The following CAV1 variants were observed in gnomAD, a reference collection of about 807,000 sequenced individuals.
CAV1 encodes caveolin-1.
CAV1 carries 10 observed loss-of-function variants against 16.5 expected under a neutral mutation model. The ratio of observed to expected loss-of-function variants is 0.61; its 90% confidence interval spans 0.37 to 1.03. CAV1 has a LOEUF of 1.03. Ranked by LOEUF, CAV1 falls within the 50% of genes least tolerant of loss-of-function variation. The pLI, the probability that CAV1 is intolerant of heterozygous loss-of-function variation, is 0.01. For missense variants in CAV1, 212 were observed against 232.8 expected, an observed-to-expected ratio of 0.91 and a Z score of 0.58; for synonymous variants, 76 against 85.1, an observed-to-expected ratio of 0.89 and a Z score of 0.59.
At chr7:116,531,260 G>A (rs1387472404) in intron 2 of CAV1, among the ~76,000 whole-genome samples, 1 of 152,238 alleles carries the variant, frequency 6.6e-6, no homozygotes. Context: ...AATGTGTTTA[G>A]ATGATTCTGT....
chr7:116,557,426 G>C (rs1794312947), intron 2 of CAV1, among the ~76,000 whole-genome samples: 1 of 152,130 alleles, frequency 6.6e-6, no homozygotes, highest in Admixed American at 6.5e-5. Flanking sequence ...CACTTGTTGG[G>C]ATTTCAAACT....
chr7:116,543,964 T>G (rs1009165583), intron 2 of CAV1, among the ~76,000 whole-genome samples: 1 of 152,210 alleles, frequency 6.6e-6, no homozygotes, highest in Non-Finnish European at 1.5e-5. Context: ...CTGACTCATA[T>G]AAAGTTTACC....
intron 2 of CAV1, among the ~76,000 whole-genome samples, chr7:116,543,150 T>TA (rs1009762493): frequency 6.6e-4 from 100 of 152,176 alleles, no homozygotes; most frequent in African/African-American, 2.1e-3. Flanking sequence ...TCTTCATCTA[T>TA]AAAATCAAGA....
chr7:116,534,395 A>ATATATATTTTTTTTT (rs1442237865), intron 2 of CAV1, among the ~76,000 whole-genome samples: 1 of 7,842 alleles, frequency 1.3e-4, no homozygotes, highest in African/African-American at 3.3e-4. Flanking sequence ...ATATATATAT[A>ATATATATTTTTTTTT]TTTTTTTTTT....
In CAV1 at chr7:116,526,286, G is replaced by T. The variant is rs1339154655; in HGVS notation, c.31-239G>T. The T allele has an allele frequency of 3.1e-6, 4 of 1,305,312 alleles. No homozygotes were observed. The African/African-American group carries it at 4.5e-5, about 15-fold the overall frequency. 80.9% of individuals were successfully genotyped at this position (1,305,312 alleles called of 1,614,324 possible). On this transcript the variant is annotated intron_variant, in intron 1 of 2. Coordinates refer to ENST00000341049, the MANE Select transcript of CAV1 (RefSeq NM_001753.5). ...GGCGGCGGGCGGGGGAGGCAGGCGC[G>T]CCCTGCAGAGTACAGAGGGGTGTGG...
At chr7:116,535,151 G>GAAGT (rs1320726446) in intron 2 of CAV1, among the ~76,000 whole-genome samples, 1 of 152,184 alleles carries the variant, frequency 6.6e-6, no homozygotes. Flanking sequence ...GGCATGCTCA[G>GAAGT]AAGTGTCCCA....
chr7:116,540,388 GTAA>G (rs1793911217), intron 2 of CAV1, among the ~76,000 whole-genome samples: 1 of 152,228 alleles, frequency 6.6e-6, no homozygotes, highest in African/African-American at 2.4e-5. Context: ...TGATTTTACT[GTAA>G]TAATATAAGA....
chr7:116,526,842 T>A (rs1793574999), intron 2 of CAV1, 153 bp downstream of exon 2: 2 of 843,722 alleles, frequency 2.4e-6, no homozygotes, highest in South Asian at 1.6e-5. Context: ...GGGTTTGATG[T>A]GTGGGAGCTC....
At position 116,526,513 on chromosome 7, in the gene CAV1, C is replaced by T; in HGVS notation, c.31-12C>T. On this transcript the variant is annotated splice_polypyrimidine_tract_variant and intron_variant, in intron 1 of 2. Transcript: ENST00000341049. ...CTCCCCGTCCTGGCCGTCCGCCCTC[C>T]GCCCTCTGCAGGGACATCTCTACAC... 5 of 1,613,828 alleles carry T rather than the reference C, an allele frequency of 3.1e-6. No individual in the cohort carries two copies. Among genetic ancestry groups the T allele is most frequent in the Non-Finnish European group, 4.2e-6 (5 of 1,180,008 alleles).
chr7:116,534,895 A>T (rs1793775928), intron 2 of CAV1, among the ~76,000 whole-genome samples: 1 of 152,146 alleles, frequency 6.6e-6, no homozygotes, highest in African/African-American at 2.4e-5. Context: ...AAAGTTGTAG[A>T]TGTTTTCCCT....
chr7:116,555,685 A>C (rs1164909510), intron 2 of CAV1, among the ~76,000 whole-genome samples: 1 of 149,840 alleles, frequency 6.7e-6, no homozygotes, highest in African/African-American at 2.5e-5. Context: ...AGAGAGAGAG[A>C]GAAAGACCTA....
At chr7:116,554,787 G>T (rs919313446) in intron 2 of CAV1, among the ~76,000 whole-genome samples, 2 of 152,110 alleles carry the variant, frequency 1.3e-5, no homozygotes, top group Admixed American at 1.3e-4. Context: ...ATTAACAAGA[G>T]TAATTCTTTG....
chr7:116,546,709 A>AAAAAAAAATAAAAAAT (rs1794058750), intron 2 of CAV1, among the ~76,000 whole-genome samples: 2 of 150,582 alleles, frequency 1.3e-5, no homozygotes, highest in Admixed American at 6.6e-5. Flanking sequence ...AAAAAAAAAA[A>AAAAAAAAATAAAAAAT]AAAAAGTCTG....
At chr7:116,525,768 T>C (rs1024682893) in intron 1 of CAV1, 2 of 1,056,542 alleles carry the variant, frequency 1.9e-6, no homozygotes, top group Admixed American at 5.0e-5. Flanking sequence ...GCCCGCAGCC[T>C]GGGAGTGCCC....
Position 116,558,774 on chromosome 7 carries a change from A to G in CAV1, c.196-172A>G, listed in dbSNP as rs1997572. Among the ~76,000 whole-genome samples, 81,899 of 151,882 alleles carry G rather than the reference A, an allele frequency of 0.54. 23,045 individuals carry two copies. Among genetic ancestry groups the G allele is most frequent in the East Asian group, 0.73 (3,753 of 5,158 alleles). On this transcript the variant is annotated intron_variant, in intron 2 of 2. Transcript: ENST00000341049. ...TCTCAAAAAAATAAAAATGAAAAAA[A>G]TCTGTGTTCCCAAGTTCCAAGTGAT...
At chr7:116,538,973 C>A (rs1391853560) in intron 2 of CAV1, among the ~76,000 whole-genome samples, 1 of 152,120 alleles carries the variant, frequency 6.6e-6, no homozygotes, top group African/African-American at 2.4e-5. Flanking sequence ...TTATCTCCCA[C>A]AAAATGGGAA....
chr7:116,543,187 C>T (rs1336667839), intron 2 of CAV1, among the ~76,000 whole-genome samples: 1 of 152,100 alleles, frequency 6.6e-6, no homozygotes, highest in Non-Finnish European at 1.5e-5. Flanking sequence ...CTCTAAGTTG[C>T]CTTTATTTAT....
chr7:116,544,672 T>C (rs1794004714), intron 2 of CAV1, among the ~76,000 whole-genome samples: 1 of 151,864 alleles, frequency 6.6e-6, no homozygotes, highest in Non-Finnish European at 1.5e-5. Context: ...AAATGGGGAG[T>C]CCTTGATGTA....
rs372196093 is a variant in CAV1, at chr7:116,558,395, T to C, written c.196-551T>C. On this transcript the variant is annotated intron_variant, in intron 2 of 2. Coordinates refer to ENST00000341049, the MANE Select transcript of CAV1 (RefSeq NM_001753.5). The stretch of plus-strand genomic sequence containing the variant: ...GTGGTAGAGAAACACCTAGAGAACA[T>C]GTTTAAAAATATCCTGGGTTCCACC... Among the ~76,000 whole-genome samples the C allele has an allele frequency of 1.4e-4, 21 of 152,078 alleles. No homozygotes were observed. The South Asian group carries it at 4.4e-3, about 32-fold the overall frequency.
Sources: gnomAD v4.1 joint callset for allele counts (sites outside exome capture counted in the v4.1 genomes callset) on GRCh38, gnomAD v4.1.1 for gene constraint, MANE v1.5 for transcripts, NCBI Gene and HGNC (gene_info 2026-07-23, HGNC 2026-07-21) for gene names.